The following CDH12 variants were observed in gnomAD, a reference collection of about 807,000 sequenced individuals.
CDH12 encodes the protein cadherin-12.
In CDH12, 41 loss-of-function variants were observed where a neutral mutation model predicts 74.1. The ratio of observed to expected loss-of-function variants is 0.55; its 90% CI spans 0.43 to 0.72. The LOEUF is 0.72. Among genes scored for constraint, CDH12 ranks in the 30% least tolerant of loss-of-function variants. The pLI is 0.00. For synonymous variants in CDH12, 399 were observed against 355.0 expected, an observed-to-expected ratio of 1.12 and a Z score of -1.39; for missense variants, 945 against 977.2, an observed-to-expected ratio of 0.97 and a Z score of 0.44.
At chr5:21,894,990 C>A (rs1753056503) in intron 6 of CDH12, among the ~76,000 whole-genome samples, 1 of 147,226 alleles carries the variant, frequency 6.8e-6, no homozygotes, top group South Asian at 2.2e-4. Context: ...ATTACTTTTG[C>A]ACCAACTAAT....
chr5:22,340,196 T>C (rs565834128), intron 3 of CDH12, among the ~76,000 whole-genome samples: 2 of 152,208 alleles, frequency 1.3e-5, no homozygotes, highest in Admixed American at 1.3e-4. Flanking sequence ...CAAATGTAGG[T>C]TTCTTAGCTC....
chr5:22,489,763 T>C (rs1190496819), intron 2 of CDH12, among the ~76,000 whole-genome samples: 1 of 150,120 alleles, frequency 6.7e-6, no homozygotes, highest in Admixed American at 6.7e-5. Flanking sequence ...ATACGGTTCA[T>C]TGCAGCCTCA....
At chr5:22,485,593 A>G (rs1746559744) in intron 2 of CDH12, among the ~76,000 whole-genome samples, 1 of 152,298 alleles carries the variant, frequency 6.6e-6, no homozygotes, top group Admixed American at 6.5e-5. Flanking sequence ...ATTAAATTAG[A>G]TTTAGAGTAT....
chr5:22,054,073 A>T (rs971503683), intron 5 of CDH12, among the ~76,000 whole-genome samples: 1 of 152,054 alleles, frequency 6.6e-6, no homozygotes, highest in Non-Finnish European at 1.5e-5. Flanking sequence ...CTCATGTCCT[A>T]TGATGATGTA....
intron 10 of CDH12, among the ~76,000 whole-genome samples, chr5:21,787,109 AT>A (rs1472583677): frequency 6.6e-6 from 1 of 152,176 alleles, no homozygotes; most frequent in Non-Finnish European, 1.5e-5. Context: ...TAATTAAAAT[AT>A]TATATAAACA....
intron 1 of CDH12, among the ~76,000 whole-genome samples, chr5:22,699,373 G>A (rs968837962): frequency 2.6e-5 from 4 of 152,086 alleles, no homozygotes; most frequent in African/African-American, 2.4e-5. Flanking sequence ...CTACAAAGTG[G>A]GATTTCATGT....
At chr5:22,600,224 T>A (rs1736791764) in intron 1 of CDH12, among the ~76,000 whole-genome samples, 1 of 152,134 alleles carries the variant, frequency 6.6e-6, no homozygotes, top group African/African-American at 2.4e-5. Flanking sequence ...GTGAAGCATT[T>A]GAAACAGCAT....
intron 1 of CDH12, among the ~76,000 whole-genome samples, chr5:22,832,684 T>TA (rs1037527813): frequency 2.6e-5 from 4 of 152,184 alleles, no homozygotes; most frequent in African/African-American, 9.7e-5. Context: ...GAAGATTTTT[T>TA]AAAAAATATT....
intron 7 of CDH12, among the ~76,000 whole-genome samples, chr5:21,846,542 TG>T (rs1363179682): frequency 1.3e-5 from 2 of 152,162 alleles, no homozygotes; most frequent in Admixed American, 1.3e-4. Flanking sequence ...TTTAGTTCAC[TG>T]TAAATTTATT....
rs146526249 is a variant in CDH12 at position 22,461,603 on chromosome 5, T to C, written c.-428+43667A>G. The stretch of plus-strand genomic sequence containing the variant: ...CAGAATAATGTGTATATGAATAATA[T>C]GGTTGCCTTTGTAAAAAAAATTTAT... On this transcript the variant is annotated intron_variant, in intron 2 of 14. Transcript: ENST00000382254. Among the ~76,000 whole-genome samples the C allele has an allele frequency of 3.6e-3, 551 of 152,078 alleles. 6 individuals carry two copies. The highest frequency in any genetic ancestry group is 0.013 in the African/African-American group (524 of 41,528).
rs1331679052 is a variant in CDH12 at position 22,526,888 on chromosome 5, G to A, written c.-522-21524C>T. ...GGGAACCAATGTGTGGATTCTGCCAGCTGCTGAGTATGTGTATTCCAATTA... is the reference window on the plus strand; with the variant it reads ...GGGAACCAATGTGTGGATTCTGCCAACTGCTGAGTATGTGTATTCCAATTA... On this transcript the variant is annotated intron_variant, in intron 1 of 14. Coordinates refer to ENST00000382254, the MANE Select transcript of CDH12 (RefSeq NM_004061.5). Among the ~76,000 whole-genome samples the A allele has an allele frequency of 2.6e-5, 4 of 152,136 alleles. No individual in the cohort carries two copies. The East Asian group carries it at 7.7e-4, about 29-fold the overall frequency.
intron 1 of CDH12, among the ~76,000 whole-genome samples, chr5:22,726,305 T>C (rs1306693221): frequency 6.6e-6 from 1 of 151,790 alleles, no homozygotes; most frequent in Non-Finnish European, 1.5e-5. Context: ...TATATGGCCT[T>C]TTCAGATTGG....
chr5:22,195,230 G>A (rs1288129939), intron 4 of CDH12, among the ~76,000 whole-genome samples: 3 of 152,182 alleles, frequency 2.0e-5, no homozygotes, highest in Non-Finnish European at 2.9e-5. Context: ...TCCAGTTGCT[G>A]AAATAATAAT....
chr5:22,332,994 C>T (rs1739411660), intron 3 of CDH12, among the ~76,000 whole-genome samples: 1 of 152,118 alleles, frequency 6.6e-6, no homozygotes, highest in East Asian at 1.9e-4. Context: ...ATAAATCATT[C>T]TACTATAAAG....
chr5:22,335,775 T>C (rs566084339), intron 3 of CDH12, among the ~76,000 whole-genome samples: 1 of 152,196 alleles, frequency 6.6e-6, no homozygotes, highest in African/African-American at 2.4e-5. Flanking sequence ...CAGTCTTGGG[T>C]ATGTCTTTAT....
chr5:22,104,603 G>A (rs1744324019), intron 4 of CDH12, among the ~76,000 whole-genome samples: 1 of 152,118 alleles, frequency 6.6e-6, no homozygotes, highest in Non-Finnish European at 1.5e-5. Context: ...TCAGGAACGT[G>A]TGCATTAGAA....
chr5:22,079,861 A>C (rs1165757937), intron 4 of CDH12, among the ~76,000 whole-genome samples: 1 of 151,988 alleles, frequency 6.6e-6, no homozygotes, highest in Non-Finnish European at 1.5e-5. Flanking sequence ...CAAAAAATAA[A>C]CAGTCAAATA....
intron 2 of CDH12, among the ~76,000 whole-genome samples, chr5:22,467,737 G>T (rs528439143): frequency 6.6e-6 from 1 of 152,242 alleles, no homozygotes; most frequent in African/African-American, 2.4e-5. Context: ...AACATCTAAT[G>T]ACTAAATATA....
intron 5 of CDH12, among the ~76,000 whole-genome samples, chr5:22,027,711 CTTTAT>C (rs1183885861): frequency 1.3e-5 from 2 of 151,750 alleles, no homozygotes; most frequent in Non-Finnish European, 2.9e-5. Flanking sequence ...CTCTTTTTTT[CTTTAT>C]TAGTCTTGCT....
Sources: gnomAD v4.1 joint callset for allele counts (sites outside exome capture counted in the v4.1 genomes callset) on GRCh38, gnomAD v4.1.1 for gene constraint, MANE v1.5 for transcripts, NCBI Gene and HGNC (gene_info 2026-07-23, HGNC 2026-07-21) for gene names.